TNNT3: variants seen among roughly 807,000 people sequenced by gnomAD.
TNNT3 encodes the protein troponin T, fast skeletal muscle.
Under a neutral mutation model 54.2 loss-of-function variants are expected in TNNT3, and 36 were observed. The observed-to-expected ratio is 0.66, with a 90% CI of 0.51 to 0.88. The LOEUF (loss-of-function observed/expected upper bound fraction) is 0.88, where lower values mean the gene tolerates loss of function less well. TNNT3 is among the 40% of genes least tolerant of loss of function. TNNT3 has a pLI of 0.00. For synonymous variants in TNNT3, 120 were observed against 109.7 expected (o/e 1.09, Z -0.59); for missense variants, 291 against 331.6 (o/e 0.88, Z 0.95).
rs781240613 is a variant in TNNT3, at chr11:1,938,634, G to A, written c.*142G>A. 7 of 820,376 alleles carry A rather than the reference G, an allele frequency of 8.5e-6. No homozygotes were observed. The highest frequency in any genetic ancestry group is 1.7e-5 in the African/African-American group (1 of 59,228). The allele number at this position is 820,376 out of a possible 1,614,324, so 50.8% of individuals were successfully genotyped here. A position where few individuals can be genotyped will look rare whatever the true frequency, so the allele number is the denominator to read the frequency against. On this transcript the variant is annotated 3_prime_UTR_variant, in exon 16 of 16. Transcript: ENST00000278317. ...CTGGGGGTGGAGAGGCCATCCCGGG[G>A]CGTCCCCCGCGTCTGTGTCCTTGCT...
chr11:1,921,934 C>T (rs1405642454), intron 1 of TNNT3, among the ~76,000 whole-genome samples: 17 of 152,284 alleles, frequency 1.1e-4, no homozygotes, highest in Admixed American at 4.6e-4. Context: ...GCTGGCCTGG[C>T]GCCACCACCG....
intron 8 of TNNT3, among the ~76,000 whole-genome samples, chr11:1,932,109 C>T (rs539568185): frequency 4.6e-5 from 7 of 152,238 alleles, no homozygotes; most frequent in Non-Finnish European, 1.0e-4. Flanking sequence ...CCGCCACCCA[C>T]AGTGGCCATC....
At chr11:1,925,358 G>C (rs1291443271) in intron 5 of TNNT3, 1 of 1,472,630 alleles carries the variant, frequency 6.8e-7, no homozygotes, top group Non-Finnish European at 9.3e-7. Flanking sequence ...GAGAGGGGGA[G>C]AGGGTGGGGA....
chr11:1,931,720 GT>G (rs572648117), intron 8 of TNNT3, among the ~76,000 whole-genome samples: 3,894 of 120,268 alleles, frequency 0.032, 92 homozygotes, highest in African/African-American at 0.076. Flanking sequence ...TCCATTTTCC[GT>G]TTTTTTTTTT....
rs549796494 is a variant in TNNT3, at chr11:1,929,682, C to G, written c.107-128C>G. The G allele has an allele frequency of 1.2e-5, 12 of 1,029,716 alleles. No homozygotes were observed. The East Asian group carries it at 2.8e-4, about 24-fold the overall frequency. The allele number at this position is 1,029,716 out of a possible 1,614,324, so 63.8% of individuals were successfully genotyped here. Reference sequence around the variant, plus strand: ...TTCTGGGGGTTGGGGGTACTCCCAGCTGAAAAGGACGGTGGCCTTCAGTGA... The same window carrying G: ...TTCTGGGGGTTGGGGGTACTCCCAGGTGAAAAGGACGGTGGCCTTCAGTGA... On this transcript the variant is annotated intron_variant, in intron 7 of 15. Transcript: ENST00000278317.
chr11:1,925,159 G>A (rs2133284936), intron 5 of TNNT3, 43 bp downstream of exon 5: 8 of 1,596,304 alleles, frequency 5.0e-6, no homozygotes, highest in Non-Finnish European at 6.8e-6. Flanking sequence ...CCACTCCCCA[G>A]CCTTCCCGCC....
intron 6 of TNNT3, among the ~76,000 whole-genome samples, chr11:1,928,332 A>T (rs1414850896): frequency 6.6e-6 from 1 of 152,002 alleles, no homozygotes; most frequent in African/African-American, 2.4e-5. Flanking sequence ...CTAGGAGCAG[A>T]GTGTATCCTA....
intron 1 of TNNT3, among the ~76,000 whole-genome samples, chr11:1,922,533 G>A (rs571161981): frequency 6.6e-5 from 10 of 152,266 alleles, no homozygotes; most frequent in South Asian, 2.1e-4. Context: ...GGGACGCCAC[G>A]GAGAGGATGT....
chr11:1,920,654 C>A (rs1283359643), intron 1 of TNNT3, among the ~76,000 whole-genome samples: 1 of 152,174 alleles, frequency 6.6e-6, no homozygotes. Flanking sequence ...TGCCTCCCCA[C>A]CCTGCCCTGG....
At chr11:1,927,688 C>G (rs981851143) in intron 6 of TNNT3, 1 of 152,628 alleles carries the variant, frequency 6.6e-6, no homozygotes, top group Admixed American at 6.5e-5. Context: ...GGCAGGGCCG[C>G]AGGACAGCTT....
Position 1,938,501 on chromosome 11 carries a change from G to C in TNNT3, c.*9G>C, listed in dbSNP as rs1855805834. ...GCGGGCGCTGGAAGTAGAGAGGCCAGAAAGGCCCCTCGAGGCAGAGACCCT... is the reference window on the plus strand; with the variant it reads ...GCGGGCGCTGGAAGTAGAGAGGCCACAAAGGCCCCTCGAGGCAGAGACCCT... On this transcript the variant is annotated 3_prime_UTR_variant, in exon 16 of 16. Coordinates refer to ENST00000278317, the MANE Select transcript of TNNT3 (RefSeq NM_006757.4). 6.2e-7 allele frequency: 1 copy of C among 1,613,082 alleles called. No individual in the cohort carries two copies. The highest frequency in any genetic ancestry group is 8.5e-7 in the Non-Finnish European group (1 of 1,179,816).
intron 4 of TNNT3, chr11:1,924,785 G>A (rs567674807): frequency 1.8e-4 from 103 of 568,436 alleles, no homozygotes; most frequent in African/African-American, 1.7e-3. Flanking sequence ...AAGGGCCCCC[G>A]TGCACAGGCG....
intron 9 of TNNT3, among the ~76,000 whole-genome samples, chr11:1,933,422 G>A (rs1854014332): frequency 6.6e-6 from 1 of 152,150 alleles, no homozygotes; most frequent in Non-Finnish European, 1.5e-5. Flanking sequence ...CATCTCTGAG[G>A]ATGATGACAG....
chr11:1,925,239 C>G, intron 5 of TNNT3, 123 bp downstream of exon 5: 1 of 1,606,218 alleles, frequency 6.2e-7, no homozygotes, highest in Non-Finnish European at 8.5e-7. Flanking sequence ...TCTCCTCTCT[C>G]CCCCGGCTCT....
chr11:1,925,030 G>C (rs1314994916), intron 4 of TNNT3, 69 bp from the exon 5 acceptor site: 1 of 1,584,302 alleles, frequency 6.3e-7, no homozygotes. Flanking sequence ...AGTACACTCT[G>C]ATCACTGTCT....
Position 1,937,016 on chromosome 11 carries a change from G to A in TNNT3, c.722+13G>A, listed in dbSNP as rs1564836637. ...AGGCCCAGAAGCAGTGAGTAGCCCTGCCGTCCTCGCTCCGCACTGGGCACA... is the reference window on the plus strand; with the variant it reads ...AGGCCCAGAAGCAGTGAGTAGCCCTACCGTCCTCGCTCCGCACTGGGCACA... On this transcript the variant is annotated intron_variant, in intron 15 of 15. Transcript: ENST00000278317. The A allele has an allele frequency of 6.3e-7, 1 of 1,591,022 alleles. No homozygotes were observed. The highest frequency in any genetic ancestry group is 1.8e-5 in the Admixed American group (1 of 56,778).
intron 5 of TNNT3, 74 bp downstream of exon 5, chr11:1,925,190 C>T (rs1260203052): frequency 4.4e-6 from 7 of 1,597,830 alleles, no homozygotes; most frequent in Non-Finnish European, 6.0e-6. Flanking sequence ...TTGACCTCCA[C>T]CCCGCCTCTA....
At chr11:1,928,554 G>C (rs1233207617) in intron 6 of TNNT3, among the ~76,000 whole-genome samples, 1 of 152,258 alleles carries the variant, frequency 6.6e-6, no homozygotes, top group East Asian at 1.9e-4. Context: ...GGACTCAGGC[G>C]GGGGCTCCTG....
chr11:1,937,952 G>A (rs900504660), intron 15 of TNNT3, among the ~76,000 whole-genome samples: 2 of 152,154 alleles, frequency 1.3e-5, no homozygotes, highest in African/African-American at 4.8e-5. Context: ...CCGGCCTCGC[G>A]GGCCGAAGCA....
Sources: gnomAD v4.1 joint callset for allele counts (sites outside exome capture counted in the v4.1 genomes callset) on GRCh38, gnomAD v4.1.1 for gene constraint, MANE v1.5 for transcripts, NCBI Gene and HGNC (gene_info 2026-07-23, HGNC 2026-07-21) for gene names.